Variants in NOS1AP observed in about 807,000 individuals in gnomAD.
The protein encoded by NOS1AP is nitric oxide synthase 1 adaptor protein.
Under a neutral mutation model 56.2 loss-of-function variants are expected in NOS1AP, and 21 were observed. The observed-to-expected ratio is 0.37, with a 90% CI of 0.26 to 0.54. The LOEUF (loss-of-function observed/expected upper bound fraction) is 0.54, where lower values mean the gene tolerates loss of function less well. Ranked by LOEUF, NOS1AP falls within the 20% of genes least tolerant of loss-of-function variation. NOS1AP has a pLI of 0.84. For missense variants in NOS1AP, 522 were observed against 657.8 expected, an observed-to-expected ratio of 0.79 and a Z score of 2.26; for synonymous variants, 270 against 274.6, an observed-to-expected ratio of 0.98 and a Z score of 0.17.
At chr1:162,341,161 AT>A (rs1657095557) in intron 5 of NOS1AP, among the ~76,000 whole-genome samples, 1 of 152,204 alleles carries the variant, frequency 6.6e-6, no homozygotes. Flanking sequence ...GATCAGGGAC[AT>A]TTGTTTGAGG....
intron 2 of NOS1AP, among the ~76,000 whole-genome samples, chr1:162,219,296 G>C (rs891359112): frequency 6.6e-6 from 1 of 152,210 alleles, no homozygotes; most frequent in Admixed American, 6.5e-5. Flanking sequence ...ATTAGTAGCA[G>C]TCGTCTCTAA....
At chr1:162,279,681 C>A (rs1352746822) in intron 2 of NOS1AP, among the ~76,000 whole-genome samples, 4 of 152,144 alleles carry the variant, frequency 2.6e-5, no homozygotes, top group African/African-American at 9.7e-5. Flanking sequence ...CCAATATGTT[C>A]TTATTTCTCT....
In NOS1AP at chr1:162,220,129, A is replaced by G. The variant is rs1301030531; in HGVS notation, c.177+65653A>G. 2.6e-5 allele frequency among the ~76,000 whole-genome samples: 4 copies of G among 152,150 alleles called. No individual in the cohort carries two copies. The South Asian group carries it at 6.2e-4, about 24-fold the overall frequency. On this transcript the variant is annotated intron_variant, in intron 2 of 9. Coordinates refer to ENST00000361897, the MANE Select transcript of NOS1AP (RefSeq NM_014697.3). ...AAAGTTTTTGTAGAGATAGAGTCCA[A>G]CTATGTTACCCAGGCTGGCCTCGAG...
chr1:162,152,081 C>T (rs927553580), intron 1 of NOS1AP, among the ~76,000 whole-genome samples: 1 of 152,206 alleles, frequency 6.6e-6, no homozygotes, highest in Admixed American at 6.5e-5. Context: ...TTTCCTTTGG[C>T]TTTCTCAGTC....
chr1:162,323,729 A>G (rs777391891), intron 4 of NOS1AP, among the ~76,000 whole-genome samples: 3 of 152,150 alleles, frequency 2.0e-5, no homozygotes, highest in Non-Finnish European at 4.4e-5. Flanking sequence ...AGTCCTGTGA[A>G]CCTCTTCTTA....
intron 2 of NOS1AP, among the ~76,000 whole-genome samples, chr1:162,183,129 T>C (rs1651317512): frequency 6.6e-6 from 1 of 152,258 alleles, no homozygotes; most frequent in Admixed American, 6.5e-5. Flanking sequence ...GGCAGCAGAA[T>C]GGATGGTGTG....
At position 162,168,170 on chromosome 1, in the gene NOS1AP, C is replaced by T. The variant is rs182422663; in HGVS notation, c.177+13694C>T. Among the ~76,000 whole-genome samples, 11 of 152,296 alleles carry T rather than the reference C, an allele frequency of 7.2e-5. No homozygotes were observed. The East Asian group carries it at 1.2e-3, about 16-fold the overall frequency. ...ACATAGGCAATGAATGGCCAGGATT[C>T]GGGCTCTAAAACTGGGTCTCCTGAC... On this transcript the variant is annotated intron_variant, in intron 2 of 9. Transcript: ENST00000361897.
Position 162,261,513 on chromosome 1 carries a change from A to AGAGAGAGAGAGAGAG in NOS1AP, c.178-25830_178-25816dup, listed in dbSNP as rs1654228064. On this transcript the variant is annotated intron_variant, in intron 2 of 9. Coordinates refer to ENST00000361897, the MANE Select transcript of NOS1AP (RefSeq NM_014697.3). Reference sequence around the variant, plus strand: ...GAGAGAGAGAGAGAGAGAGAGAGAGAGAGAGAGAGAGAGAGAGAGAGAGAG... The same window carrying AGAGAGAGAGAGAGAG: ...GAGAGAGAGAGAGAGAGAGAGAGAGAGAGAGAGAGAGAGAGGAGAGAGAGAGAGAGAGAGAGAGAG... Among the ~76,000 whole-genome samples the AGAGAGAGAGAGAGAG allele has an allele frequency of 9.3e-5, 2 of 21,612 alleles. 1 individual carries two copies. The highest frequency in any genetic ancestry group is 2.8e-4 in the Non-Finnish European group (2 of 7,030). 14.2% of individuals were successfully genotyped at this position (21,612 alleles called of 152,430 possible).
At chr1:162,260,831 A>G (rs1326911528) in intron 2 of NOS1AP, among the ~76,000 whole-genome samples, 1 of 152,108 alleles carries the variant, frequency 6.6e-6, no homozygotes, top group Non-Finnish European at 1.5e-5. Flanking sequence ...ATGATTGACT[A>G]TCTTAATAAG....
intron 3 of NOS1AP, among the ~76,000 whole-genome samples, chr1:162,295,134 A>G (rs1361311818): frequency 6.6e-6 from 1 of 152,138 alleles, no homozygotes; most frequent in Non-Finnish European, 1.5e-5. Context: ...CCCAGAAGGC[A>G]CTCAGAGAGG....
intron 2 of NOS1AP, among the ~76,000 whole-genome samples, chr1:162,201,527 A>G (rs573834741): frequency 1.3e-5 from 2 of 152,314 alleles, no homozygotes; most frequent in African/African-American, 4.8e-5. Context: ...GGATTGCCAC[A>G]CCGTCTTCCA....
At chr1:162,093,544 T>C (rs766595408) in intron 1 of NOS1AP, among the ~76,000 whole-genome samples, 6 of 152,196 alleles carry the variant, frequency 3.9e-5, no homozygotes, top group Non-Finnish European at 8.8e-5. Flanking sequence ...GAAGAGATAC[T>C]ATGGCGCTTT....
intron 2 of NOS1AP, among the ~76,000 whole-genome samples, chr1:162,237,669 A>T (rs1653345122): frequency 6.6e-6 from 1 of 152,238 alleles, no homozygotes; most frequent in Non-Finnish European, 1.5e-5. Flanking sequence ...TTAAAATATA[A>T]CTGAGTCCTT....
chr1:162,084,761 A>T (rs1208595153), intron 1 of NOS1AP, among the ~76,000 whole-genome samples: 3 of 151,968 alleles, frequency 2.0e-5, no homozygotes, highest in Non-Finnish European at 4.4e-5. Flanking sequence ...TCACTGATGA[A>T]GCCTCAACCT....
intron 2 of NOS1AP, among the ~76,000 whole-genome samples, chr1:162,239,071 T>C (rs1288862347): frequency 6.6e-6 from 1 of 152,218 alleles, no homozygotes; most frequent in Admixed American, 6.5e-5. Flanking sequence ...AAATAAAATG[T>C]TTAAGGTATG....
intron 2 of NOS1AP, among the ~76,000 whole-genome samples, chr1:162,258,304 T>C (rs1479363651): frequency 3.9e-5 from 6 of 152,214 alleles, no homozygotes; most frequent in Non-Finnish European, 8.8e-5. Flanking sequence ...TCTTAATTAT[T>C]TGGGTGCCCT....
At chr1:162,252,050 T>G (rs571139249) in intron 2 of NOS1AP, among the ~76,000 whole-genome samples, 1 of 151,284 alleles carries the variant, frequency 6.6e-6, no homozygotes, top group Non-Finnish European at 1.5e-5. Flanking sequence ...TTTCTTTTTG[T>G]TTTTTTTGAG....
intron 2 of NOS1AP, among the ~76,000 whole-genome samples, chr1:162,268,297 AG>A (rs1255012656): frequency 1.2e-5 from 1 of 86,444 alleles, no homozygotes; most frequent in Non-Finnish European, 2.2e-5. Flanking sequence ...ATACCAAACT[AG>A]TGTGGCCCTG....
At position 162,335,106 on chromosome 1, in the gene NOS1AP, A is replaced by G. The variant is rs2101797787; in HGVS notation, c.453+1981A>G. ...AATGGAGTTCCCATTATCCGTGAAA[A>G]GGAGTAGTCATCTGGTTCCCTATCA... On this transcript the variant is annotated intron_variant, in intron 5 of 9. Transcript: ENST00000361897. Among the ~76,000 whole-genome samples, 2 of 152,352 alleles carry G rather than the reference A, an allele frequency of 1.3e-5. 1 individual carries two copies. Among genetic ancestry groups the G allele is most frequent in the Middle Eastern group, 6.8e-3 (2 of 294 alleles).
Sources: gnomAD v4.1 joint callset for allele counts (sites outside exome capture counted in the v4.1 genomes callset) on GRCh38, gnomAD v4.1.1 for gene constraint, MANE v1.5 for transcripts, NCBI Gene and HGNC (gene_info 2026-07-23, HGNC 2026-07-21) for gene names.